The following ATP2B2 variants were observed in gnomAD, a reference collection of about 807,000 sequenced individuals.
ATP2B2 encodes the protein ATPase plasma membrane Ca2+ transporting 2.
Under a neutral mutation model 120.0 loss-of-function variants are expected in ATP2B2, and 15 were observed. The ratio of observed to expected loss-of-function variants is 0.12; its 90% CI spans 0.08 to 0.19. The LOEUF is 0.19. Among genes scored for constraint, ATP2B2 ranks in the 10% least tolerant of loss-of-function variants. The pLI is 1.00. For synonymous variants in ATP2B2, 694 were observed against 700.3 expected (o/e 0.99, Z 0.14); for missense variants, 1,045 against 1,719.8 (o/e 0.61, Z 6.94).
chr3:10,626,319 C>G (rs561729845), intron 1 of ATP2B2: 2 of 152,338 alleles, frequency 1.3e-5, no homozygotes, highest in Non-Finnish European at 2.9e-5. Flanking sequence ...TTTGTGAGGC[C>G]AGGATGTGAA....
chr3:10,337,110 C>T (rs1202442043), intron 22 of ATP2B2, among the ~76,000 whole-genome samples: 1 of 152,198 alleles, frequency 6.6e-6, no homozygotes, highest in African/African-American at 2.4e-5. Flanking sequence ...TGTGCCAGCT[C>T]AGTAGAAGGG....
chr3:10,622,083 C>T (rs967798786), intron 1 of ATP2B2, among the ~76,000 whole-genome samples: 7 of 152,178 alleles, frequency 4.6e-5, no homozygotes, highest in African/African-American at 1.7e-4. Context: ...TGAAAACTGG[C>T]CACCTGTCAC....
At chr3:10,502,435 C>A (rs868042415) in intron 1 of ATP2B2, among the ~76,000 whole-genome samples, 6 of 152,356 alleles carry the variant, frequency 3.9e-5, no homozygotes, top group Middle Eastern at 3.4e-3. Context: ...TTTCCACCCA[C>A]AGTCAAACAC....
At chr3:10,445,323 A>G (rs887515201) in intron 2 of ATP2B2, among the ~76,000 whole-genome samples, 2 of 144,668 alleles carry the variant, frequency 1.4e-5, no homozygotes, top group Non-Finnish European at 2.9e-5. Context: ...CCTTGAAGAG[A>G]AAGACACTCA....
chr3:10,471,183 C>G (rs1242489567), intron 1 of ATP2B2, among the ~76,000 whole-genome samples: 1 of 152,238 alleles, frequency 6.6e-6, no homozygotes, highest in East Asian at 1.9e-4. Context: ...CTCCCTGCCC[C>G]CAGCACAGTG....
At chr3:10,454,791 T>C (rs2064192190) in intron 1 of ATP2B2, among the ~76,000 whole-genome samples, 1 of 152,210 alleles carries the variant, frequency 6.6e-6, no homozygotes, top group Non-Finnish European at 1.5e-5. Context: ...AGATGTGCCA[T>C]GTGTCTGTTC....
chr3:10,546,710 C>G (rs1314231000), intron 2 of ATP2B2, among the ~76,000 whole-genome samples: 1 of 152,212 alleles, frequency 6.6e-6, no homozygotes, highest in Non-Finnish European at 1.5e-5. Context: ...TGAGAGGCCA[C>G]TAGCCTGTCA....
intron 1 of ATP2B2, among the ~76,000 whole-genome samples, chr3:10,477,100 C>T (rs1241014708): frequency 6.6e-6 from 1 of 152,224 alleles, no homozygotes; most frequent in African/African-American, 2.4e-5. Context: ...GTGGCTTCCT[C>T]CAGGCCAGGC....
At position 10,340,418 on chromosome 3, in the gene ATP2B2, C is replaced by T. The variant is rs1432110998; in HGVS notation, c.3130-69G>A. 5 of 1,612,608 alleles carry T rather than the reference C, an allele frequency of 3.1e-6. No homozygotes were observed. The highest frequency in any genetic ancestry group is 1.3e-5 in the African/African-American group (1 of 74,906). ...TCAGGGACCAGCACAGAGGGCTGGGCTCTCAGGGTCCTGCCCAGGGGCTCC... is the reference window on the plus strand; with the variant it reads ...TCAGGGACCAGCACAGAGGGCTGGGTTCTCAGGGTCCTGCCCAGGGGCTCC... On this transcript the variant is annotated intron_variant, in intron 20 of 22. Transcript: ENST00000360273. This position sits in a 1 kb window ranked among gnomAD's most constrained non-coding sequence, Gnocchi z 5.0.
At chr3:10,581,878 C>T (rs1386615300) in intron 2 of ATP2B2, among the ~76,000 whole-genome samples, 1 of 152,170 alleles carries the variant, frequency 6.6e-6, no homozygotes. Context: ...GTGCCTGGCA[C>T]AGAGTAAGTG....
At chr3:10,341,666 T>C (rs171405) in intron 19 of ATP2B2, among the ~76,000 whole-genome samples, 43,369 of 151,712 alleles carry the variant, frequency 0.29, 7,249 homozygotes, top group East Asian at 0.52. Flanking sequence ...GCTTGTGGAG[T>C]TTTCTGGGTG....
chr3:10,589,671 A>G (rs150782330), intron 2 of ATP2B2, among the ~76,000 whole-genome samples: 55 of 152,334 alleles, frequency 3.6e-4, no homozygotes, highest in African/African-American at 1.3e-3. Flanking sequence ...AATCATGTGC[A>G]AAGAGCACTT....
chr3:10,596,665 C>T (rs17033186), intron 2 of ATP2B2, among the ~76,000 whole-genome samples: 1 of 152,228 alleles, frequency 6.6e-6, no homozygotes, highest in African/African-American at 2.4e-5. Context: ...ATTGTGAATT[C>T]CTTGGCGTTT....
At chr3:10,353,960 C>T (rs368992167) in intron 14 of ATP2B2, among the ~76,000 whole-genome samples, 6 of 152,158 alleles carry the variant, frequency 3.9e-5, no homozygotes, top group Non-Finnish European at 7.3e-5. Flanking sequence ...TGGGCACGTG[C>T]ACACCTTTTC....
At position 10,415,106 on chromosome 3, in the gene ATP2B2, G is replaced by A. The variant is rs545523888; in HGVS notation, c.200-4291C>T. On this transcript the variant is annotated intron_variant, in intron 2 of 22. Transcript: ENST00000360273. ...AGAACACAGGTGGGGTTTGAACTTG[G>A]ATGGCCTGCGTTCAAATCCCAGCTC... is the stretch of plus-strand genomic sequence containing the variant. 1.1e-4 allele frequency among the ~76,000 whole-genome samples: 17 copies of A among 152,292 alleles called. 3 individuals are homozygous for A. In the South Asian group the frequency reaches 3.3e-3, roughly 30 times the overall value.
At chr3:10,524,474 T>C (rs1184808402) in intron 3 of ATP2B2, among the ~76,000 whole-genome samples, 2 of 152,138 alleles carry the variant, frequency 1.3e-5, no homozygotes, top group African/African-American at 4.8e-5. Flanking sequence ...AGTGACGGCA[T>C]TGAGATTTGA....
chr3:10,596,461 C>T (rs1442773877), intron 2 of ATP2B2, among the ~76,000 whole-genome samples: 1 of 152,174 alleles, frequency 6.6e-6, no homozygotes, highest in Non-Finnish European at 1.5e-5. Context: ...TGCATGTCTT[C>T]AATGTGTCTC....
chr3:10,548,483 C>A (rs891027900), intron 2 of ATP2B2, among the ~76,000 whole-genome samples: 1 of 152,198 alleles, frequency 6.6e-6, no homozygotes, highest in African/African-American at 2.4e-5. Context: ...GATATCCCAG[C>A]TCTGTTCCCT....
intron 3 of ATP2B2, among the ~76,000 whole-genome samples, chr3:10,404,599 C>T (rs1233720419): frequency 6.6e-6 from 1 of 152,200 alleles, no homozygotes; most frequent in Non-Finnish European, 1.5e-5. Context: ...TGTGGGTGAG[C>T]ATTATTGCAT....
Sources: gnomAD v4.1 joint callset for allele counts (sites outside exome capture counted in the v4.1 genomes callset) on GRCh38, gnomAD v4.1.1 for gene constraint, Gnocchi (gnomAD v3.1) non-coding constraint, MANE v1.5 for transcripts, NCBI Gene and HGNC (gene_info 2026-07-23, HGNC 2026-07-21) for gene names.